The following TARS3 variants were observed in gnomAD, a reference collection of about 807,000 sequenced individuals.
TARS3 encodes the protein threonyl-tRNA synthetase 3, also known as threonine--tRNA ligase 2, cytoplasmic.
A neutral mutation model predicts 103.5 loss-of-function variants in TARS3; 94 were observed. That is an observed-to-expected ratio of 0.91 (90% CI 0.77 to 1.08). The LOEUF is 1.08. Ranked by LOEUF, TARS3 falls within the 50% of genes least tolerant of loss-of-function variation. The pLI is 0.00. For missense variants in TARS3, 952 were observed against 995.2 expected (o/e 0.96, Z 0.58); for synonymous variants, 416 against 355.4 (o/e 1.17, Z -1.92).
At chr15:101,675,879 A>G (rs889093872) in intron 12 of TARS3, 142 bp from the exon 13 acceptor site, 6 of 917,376 alleles carry the variant, frequency 6.5e-6, no homozygotes, top group Admixed American at 2.7e-5. Flanking sequence ...TGCTTATCCA[A>G]TCCTGAGCTG....
intron 4 of TARS3, among the ~76,000 whole-genome samples, chr15:101,713,235 G>A (rs1003248567): frequency 6.6e-6 from 1 of 152,140 alleles, no homozygotes; most frequent in Non-Finnish European, 1.5e-5. Context: ...TGAGTGTCCT[G>A]CATTCATGGG....
chr15:101,675,135 A>C (rs1897969619), intron 13 of TARS3, among the ~76,000 whole-genome samples: 1 of 152,206 alleles, frequency 6.6e-6, no homozygotes, highest in African/African-American at 2.4e-5. Flanking sequence ...CTTAGATGTA[A>C]CATCTTTGGG....
chr15:101,708,970 C>T, intron 5 of TARS3, 60 bp from the exon 6 acceptor site: 1 of 1,147,532 alleles, frequency 8.7e-7, no homozygotes, highest in Non-Finnish European at 1.2e-6. Context: ...TCCCTCTTTC[C>T]TTTGTCCTGG....
chr15:101,700,625 G>A (rs923351783), intron 10 of TARS3, among the ~76,000 whole-genome samples: 3 of 151,262 alleles, frequency 2.0e-5, no homozygotes, highest in Non-Finnish European at 2.9e-5. Flanking sequence ...TTATTAGAAG[G>A]TACAATCTAG....
chr15:101,668,141 G>A (rs1201376041), intron 15 of TARS3, among the ~76,000 whole-genome samples: 2 of 152,142 alleles, frequency 1.3e-5, no homozygotes, highest in African/African-American at 2.4e-5. Flanking sequence ...TTCACAACTT[G>A]GGTAACTGGT....
In TARS3 at chr15:101,675,680, CA is replaced by C. The variant is rs1430931011; in HGVS notation, c.1707del (p.Phe569LeufsTer7). The stretch of plus-strand genomic sequence containing the variant: ...GACAGGTTTAATTGAAAGGAGAAGC[CA>C]AATGTTGAGTAAACAGATTGCAAAA... ...LQFLQSVYST[F>X]GFSFQLNLST... On this transcript the variant is annotated frameshift_variant, in exon 13 of 19. Coordinates refer to ENST00000335968, the MANE Select transcript of TARS3 (RefSeq NM_152334.3). LOFTEE classifies it high-confidence loss of function. 1 of 1,614,020 alleles carries C rather than the reference CA, an allele frequency of 6.2e-7. No individual in the cohort carries two copies. Among genetic ancestry groups the C allele is most frequent in the Non-Finnish European group, 8.5e-7 (1 of 1,179,986 alleles).
At position 101,656,998 on chromosome 15, in the gene TARS3, G is replaced by C; in HGVS notation, c.2184C>G (p.Asp728Glu). The change falls in exon 18 of 19, where the codon GAC (aspartate) becomes GAG (glutamate). Residue 728 changes from aspartate to glutamate, a missense_variant. Asp to Glu is a conservative substitution (Grantham distance 45). Coordinates refer to ENST00000335968, the MANE Select transcript of TARS3 (RefSeq NM_152334.3). Reference sequence around the variant, plus strand: ...GTGTACAACTGTGATCCAAGTCAACGTCAGCCATAAATCCTTCTTCAAAAA... The same window carrying C: ...GTGTACAACTGTGATCCAAGTCAACCTCAGCCATAAATCCTTCTTCAAAAA... ...SEFFEEGFMA[D>E]VDLDHSCTLN... The C allele has an allele frequency of 6.2e-7, 1 of 1,613,718 alleles. No homozygotes were observed. Among genetic ancestry groups the C allele is most frequent in the Non-Finnish European group, 8.5e-7 (1 of 1,179,760 alleles).
chr15:101,704,230 G>A (rs1899425824), intron 7 of TARS3, among the ~76,000 whole-genome samples: 1 of 152,134 alleles, frequency 6.6e-6, no homozygotes, highest in African/African-American at 2.4e-5. Context: ...TGGCAAACAC[G>A]AAAATGTCAT....
rs576831636 is a variant in TARS3, at chr15:101,718,709, C to A, written c.566+2417G>T. ...GATCTCAGTCCATTAAACAAGGAGA[C>A]AGGAGTGAGCCGAATAAAAAAGCCA... On this transcript the variant is annotated intron_variant, in intron 3 of 18. Coordinates refer to ENST00000335968, the MANE Select transcript of TARS3 (RefSeq NM_152334.3). Among the ~76,000 whole-genome samples the A allele has an allele frequency of 7.1e-4, 108 of 152,218 alleles. 2 individuals carry two copies. The highest frequency in any genetic ancestry group is 6.8e-3 in the South Asian group (33 of 4,824).
intron 15 of TARS3, among the ~76,000 whole-genome samples, chr15:101,666,539 T>C (rs1242562458): frequency 6.6e-6 from 1 of 151,418 alleles, no homozygotes; most frequent in Non-Finnish European, 1.5e-5. Flanking sequence ...AAGCGTCCTC[T>C]TGCTATACTA....
At position 101,701,188 on chromosome 15, in the gene TARS3, G is replaced by C; in HGVS notation, c.1222-4C>G. The C allele has an allele frequency of 1.3e-6, 2 of 1,579,172 alleles. No individual in the cohort carries two copies. Among genetic ancestry groups the C allele is most frequent in the South Asian group, 1.2e-5 (1 of 84,704 alleles). On this transcript the variant is annotated splice_region_variant and splice_polypyrimidine_tract_variant and intron_variant, in intron 9 of 18. Transcript: ENST00000335968. ...GGAAAAAGAAAAGTTCTTGTTCCTA[G>C]ATTGAAACAAAAATTGCATTTCAAA...
At chr15:101,668,826 G>A (rs577226241) in intron 15 of TARS3, among the ~76,000 whole-genome samples, 1 of 152,178 alleles carries the variant, frequency 6.6e-6, no homozygotes, top group South Asian at 2.1e-4. Context: ...GGTGAGGCTG[G>A]TGTAAATAAA....
At chr15:101,683,936 C>G in intron 12 of TARS3, 139 bp downstream of exon 12, 1 of 656,640 alleles carries the variant, frequency 1.5e-6, no homozygotes, top group Admixed American at 3.9e-5. Context: ...TTTAGAGAAT[C>G]ACAGCAGGTT....
intron 1 of TARS3, 67 bp from the exon 2 acceptor site, chr15:101,723,231 T>G: frequency 7.5e-6 from 11 of 1,462,182 alleles, no homozygotes; most frequent in Non-Finnish European, 1.1e-5. Flanking sequence ...AAGAAGAGAG[T>G]CATGCCAGCA....
At chr15:101,723,026 A>C in intron 2 of TARS3, 67 bp downstream of exon 2, 1 of 1,362,522 alleles carries the variant, frequency 7.3e-7, no homozygotes, top group Non-Finnish European at 1.0e-6. Context: ...ATCCTAGGTA[A>C]TTAACTATAT....
At chr15:101,697,808 C>T (rs1021388620) in intron 10 of TARS3, among the ~76,000 whole-genome samples, 3 of 152,150 alleles carry the variant, frequency 2.0e-5, no homozygotes, top group African/African-American at 7.2e-5. Context: ...AACACGAAGG[C>T]TCTGAAGACT....
At chr15:101,696,566 C>G (rs935729165) in intron 10 of TARS3, among the ~76,000 whole-genome samples, 2 of 152,060 alleles carry the variant, frequency 1.3e-5, no homozygotes, top group Admixed American at 1.3e-4. Flanking sequence ...CAATAGCCAT[C>G]CAGAACAGAA....
intron 18 of TARS3, chr15:101,656,010 A>C: frequency 7.8e-7 from 1 of 1,289,230 alleles, no homozygotes; most frequent in Non-Finnish European, 1.0e-6. Context: ...ACACAGAAGG[A>C]AGAAACCGGT....
chr15:101,722,979 A>G (rs1405224879), intron 2 of TARS3, 114 bp downstream of exon 2: 5 of 1,004,938 alleles, frequency 5.0e-6, no homozygotes, highest in Non-Finnish European at 7.5e-6. Flanking sequence ...CACTAATGTG[A>G]CCCAAATAAT....
Sources: gnomAD v4.1 joint callset for allele counts (sites outside exome capture counted in the v4.1 genomes callset) on GRCh38, gnomAD v4.1.1 for gene constraint, MANE v1.5 for transcripts, NCBI Gene and HGNC (gene_info 2026-07-23, HGNC 2026-07-21) for gene names.